Variants in F3 observed in about 807,000 individuals in gnomAD.
The protein encoded by F3 is coagulation factor III, tissue factor.
F3 carries 18 observed loss-of-function variants against 33.5 expected under a neutral mutation model. That is an observed-to-expected ratio of 0.54 (90% CI 0.37 to 0.80). The LOEUF is 0.80. F3 is among the 30% of genes least tolerant of loss of function. The probability of loss-of-function intolerance (pLI) is 0.00; values close to 1 mark genes in which losing one functional copy is unlikely to be tolerated. For synonymous variants in F3, 147 were observed against 140.7 expected, an observed-to-expected ratio of 1.05 and a Z score of -0.32; for missense variants, 353 against 362.1, an observed-to-expected ratio of 0.97 and a Z score of 0.20.
chr1:94,539,876 G>T (rs940294105), intron 2 of F3, among the ~76,000 whole-genome samples: 6 of 152,202 alleles, frequency 3.9e-5, no homozygotes, highest in African/African-American at 1.4e-4. Context: ...TCCCTAAGGT[G>T]TTAGACATTG....
chr1:94,530,952 T>C (rs145046051), intron 5 of F3, among the ~76,000 whole-genome samples: 351 of 152,294 alleles, frequency 2.3e-3, no homozygotes, highest in African/African-American at 8.2e-3. Flanking sequence ...AAGTGGGAGA[T>C]CCAAAGTGCT....
intron 5 of F3, among the ~76,000 whole-genome samples, chr1:94,530,960 G>T (rs1321057889): frequency 6.6e-6 from 1 of 152,202 alleles, no homozygotes; most frequent in African/African-American, 2.4e-5. Context: ...GATCCAAAGT[G>T]CTACCAGGAT....
At chr1:94,535,082 C>G (rs1338266962) in intron 3 of F3, among the ~76,000 whole-genome samples, 1 of 152,054 alleles carries the variant, frequency 6.6e-6, no homozygotes, top group Non-Finnish European at 1.5e-5. Context: ...AAAGTAGATA[C>G]CAGAGGAGGA....
At chr1:94,534,165 C>A (rs1030679819) in intron 3 of F3, among the ~76,000 whole-genome samples, 3 of 152,198 alleles carry the variant, frequency 2.0e-5, no homozygotes, top group African/African-American at 7.2e-5. Flanking sequence ...CCATGCCCAG[C>A]CTCTTTTCCT....
intron 2 of F3, among the ~76,000 whole-genome samples, chr1:94,539,999 A>G (rs1178937165): frequency 1.3e-5 from 2 of 152,226 alleles, no homozygotes; most frequent in Non-Finnish European, 2.9e-5. Flanking sequence ...ATCTCTCCAC[A>G]GTTTATACTC....
At chr1:94,538,103 A>C (rs563320988) in intron 2 of F3, among the ~76,000 whole-genome samples, 88 of 152,340 alleles carry the variant, frequency 5.8e-4, no homozygotes, top group Admixed American at 1.4e-3. Flanking sequence ...AATCCCTCTG[A>C]ATGCCATTAA....
At chr1:94,532,645 A>G (rs1186815663) in intron 4 of F3, among the ~76,000 whole-genome samples, 165 bp from the exon 5 acceptor site, 3 of 152,178 alleles carry the variant, frequency 2.0e-5, no homozygotes, top group East Asian at 3.9e-4. Flanking sequence ...TCCCTTGATC[A>G]CTGCTAAAAA....
chr1:94,538,528 A>C (rs762485), intron 2 of F3, among the ~76,000 whole-genome samples: 56,780 of 152,166 alleles, frequency 0.37, 11,279 homozygotes, highest in Middle Eastern at 0.52. Flanking sequence ...GAGGAGATGC[A>C]GTGGGCAAGA....
Position 94,536,031 on chromosome 1 carries a change from C to T in F3, c.346G>A (p.Glu116Lys). 1 of 1,614,176 alleles carries T rather than the reference C, an allele frequency of 6.2e-7. No homozygotes were observed. The highest frequency in any genetic ancestry group is 8.5e-7 in the Non-Finnish European group (1 of 1,180,038). The change falls in exon 3 of 6, where the codon GAG becomes AAG. Residue 116 changes from glutamate (E) to lysine (K), a missense_variant. Transcript: ENST00000334047. The part of the protein sequence containing the change: ...RVFSYPAGNV[E>K]STGSAGEPLY... ...GGCTCCCCAGCAGAACCGGTGCTCT[C>T]CACATTCCCTGCCGGGTAGGAGAAG...
intron 3 of F3, 93 bp downstream of exon 3, chr1:94,535,872 T>C: frequency 8.6e-7 from 1 of 1,164,764 alleles, no homozygotes; most frequent in Non-Finnish European, 1.2e-6. Flanking sequence ...AGAATAAATA[T>C]TTTTAATTTT....
chr1:94,540,283 G>A lies in F3; in HGVS notation c.186C>T (p.Val62=). 6.2e-7 allele frequency: 1 copy of A among 1,613,304 alleles called. No homozygotes were observed. The highest frequency in any genetic ancestry group is 1.1e-5 in the South Asian group (1 of 91,052). Residue 62 remains valine (V), a synonymous_variant, in exon 2 of 6, where the codon GTC becomes GTT. Transcript: ENST00000334047. ...KTILEWEPKP[V]NQVYTVQIST... Reference sequence around the variant, plus strand: ...TTATTTGAACAGTGTAGACTTGATTGACGGGTTTGGGTTCCCACTCCAAAA... The same window carrying A: ...TTATTTGAACAGTGTAGACTTGATTAACGGGTTTGGGTTCCCACTCCAAAA...
intron 5 of F3, 76 bp downstream of exon 5, chr1:94,532,245 T>C (rs2101088843): frequency 1.4e-6 from 2 of 1,426,080 alleles, no homozygotes; most frequent in Non-Finnish European, 1.9e-6. Context: ...ATCCCAGCCC[T>C]GAGGGTGGAG....
At chr1:94,540,532 AT>A (rs1032369976) in intron 1 of F3, 164 bp from the exon 2 acceptor site, 2 of 536,726 alleles carry the variant, frequency 3.7e-6, no homozygotes, top group Non-Finnish European at 6.5e-6. Flanking sequence ...GAATCTTCAA[AT>A]TTTTTCTAGA....
At chr1:94,538,425 G>C (rs1651674288) in intron 2 of F3, among the ~76,000 whole-genome samples, 1 of 152,244 alleles carries the variant, frequency 6.6e-6, no homozygotes, top group African/African-American at 2.4e-5. Context: ...CTGGAGCCAG[G>C]CTGCAGTAGT....
At chr1:94,532,953 TGC>T in intron 4 of F3, 135 bp downstream of exon 4, 1 of 824,836 alleles carries the variant, frequency 1.2e-6, no homozygotes, top group Non-Finnish European at 1.9e-6. Flanking sequence ...CTCCCCACAG[TGC>T]GCGCTCCCCC....
chr1:94,529,351 A>C lies in F3; in HGVS notation c.*1109T>G, dbSNP rs1399708359. 1 of 152,638 alleles carries C rather than the reference A, an allele frequency of 6.6e-6. No homozygotes were observed. The highest frequency in any genetic ancestry group is 1.5e-5 in the Non-Finnish European group (1 of 68,042). 9.5% of individuals were successfully genotyped at this position (152,638 alleles called of 1,614,324 possible). A position where few individuals can be genotyped will look rare whatever the true frequency, so the allele number is the denominator to read the frequency against. ...CAGTCACCTTTATTTAAAGTATATTAAATAAATTATCTCAATATATACAAA... is the reference window on the plus strand; with the variant it reads ...CAGTCACCTTTATTTAAAGTATATTCAATAAATTATCTCAATATATACAAA... On this transcript the variant is annotated 3_prime_UTR_variant, in exon 6 of 6. Transcript: ENST00000334047.
At chr1:94,535,177 A>G (rs1372865335) in intron 3 of F3, among the ~76,000 whole-genome samples, 2 of 152,172 alleles carry the variant, frequency 1.3e-5, no homozygotes, top group Non-Finnish European at 2.9e-5. Flanking sequence ...TAACACTCAC[A>G]CAACACCTTC....
chr1:94,540,724 G>T (rs1284179735), intron 1 of F3: 2 of 198,354 alleles, frequency 1.0e-5, no homozygotes, highest in African/African-American at 4.7e-5. Context: ...CAGCCCGCCA[G>T]GAAGGGTTTT....
In F3 at chr1:94,529,671, A is replaced by G. The variant is rs1352032772; in HGVS notation, c.*789T>C. 7.0e-6 allele frequency: 1 copy of G among 143,578 alleles called. No homozygotes were observed. Among genetic ancestry groups the G allele is most frequent in the Non-Finnish European group, 1.5e-5 (1 of 67,634 alleles). 8.9% of individuals were successfully genotyped at this position (143,578 alleles called of 1,614,324 possible). ...TTTGAATTTCCAAATGTATTCCTGA[A>G]AAAAAAAAGAACCTAAACACTATAT... On this transcript the variant is annotated 3_prime_UTR_variant, in exon 6 of 6. Coordinates refer to ENST00000334047, the MANE Select transcript of F3 (RefSeq NM_001993.5).
Sources: gnomAD v4.1 joint callset for allele counts (sites outside exome capture counted in the v4.1 genomes callset) on GRCh38, gnomAD v4.1.1 for gene constraint, MANE v1.5 for transcripts, NCBI Gene and HGNC (gene_info 2026-07-23, HGNC 2026-07-21) for gene names.